The following KIF16B variants were observed in gnomAD, a reference collection of about 807,000 sequenced individuals.
The protein encoded by KIF16B is kinesin family member 16B.
A neutral mutation model predicts 156.3 loss-of-function variants in KIF16B; 98 were observed. The observed-to-expected ratio is 0.63, with a 90% CI of 0.53 to 0.74. The LOEUF is 0.74. Ranked by LOEUF, KIF16B falls within the 30% of genes least tolerant of loss-of-function variation. The pLI, the probability that KIF16B is intolerant of heterozygous loss-of-function variation, is 0.00. For synonymous variants in KIF16B, 564 were observed against 583.7 expected (o/e 0.97, Z 0.49); for missense variants, 1,421 against 1,606.5 (o/e 0.88, Z 1.97).
chr20:16,278,646 C>T (rs941275051), intron 25 of KIF16B, among the ~76,000 whole-genome samples: 11 of 152,136 alleles, frequency 7.2e-5, no homozygotes, highest in African/African-American at 2.7e-4. Context: ...GACCCTGGCA[C>T]ATGATGTTTA....
At chr20:16,477,801 T>C (rs2067861967) in intron 12 of KIF16B, among the ~76,000 whole-genome samples, 1 of 152,142 alleles carries the variant, frequency 6.6e-6, no homozygotes. Context: ...AACTTTGACC[T>C]GGCTGAAGAG....
At chr20:16,531,242 G>A (rs2069735865) in intron 1 of KIF16B, among the ~76,000 whole-genome samples, 3 of 148,916 alleles carry the variant, frequency 2.0e-5, no homozygotes, top group Admixed American at 1.3e-4. Context: ...AAGATCAAAG[G>A]ATCTGTCTCA....
At chr20:16,275,722 G>A (rs147947280) in intron 25 of KIF16B, among the ~76,000 whole-genome samples, 44 of 152,294 alleles carry the variant, frequency 2.9e-4, no homozygotes, top group African/African-American at 1.0e-3. Context: ...AAAATCAACT[G>A]CTGAAAAGTG....
intron 25 of KIF16B, among the ~76,000 whole-genome samples, chr20:16,310,623 A>T (rs1012967145): frequency 2.0e-5 from 3 of 152,232 alleles, no homozygotes; most frequent in African/African-American, 7.2e-5. Context: ...TAGTTAATGA[A>T]GGCAGGGAAG....
chr20:16,526,357 C>T, intron 2 of KIF16B, 152 bp from the exon 3 acceptor site: 1 of 425,050 alleles, frequency 2.4e-6, no homozygotes, highest in Non-Finnish European at 4.1e-6. Flanking sequence ...AAACTAAACT[C>T]CTTGCAGCAA....
rs79019432 is a variant in KIF16B at position 16,347,522 on chromosome 20, G to A, written c.3621+8808C>T. 7.4e-3 allele frequency among the ~76,000 whole-genome samples: 1,133 copies of A among 152,200 alleles called. 14 individuals are homozygous for A. Among genetic ancestry groups the A allele is most frequent in the African/African-American group, 0.026 (1,074 of 41,534 alleles). ...AAGATAAATATGGCTGTCCAAGGAA[G>A]GGCAATATAAAAGATCAGTTGGTTT... is the stretch of plus-strand genomic sequence containing the variant. On this transcript the variant is annotated intron_variant, in intron 23 of 25. Transcript: ENST00000354981.
intron 17 of KIF16B, among the ~76,000 whole-genome samples, chr20:16,389,030 T>C (rs991131141): frequency 3.3e-5 from 5 of 152,066 alleles, no homozygotes; most frequent in Non-Finnish European, 1.5e-5. Flanking sequence ...GGAGACCCCC[T>C]GGCAACAGAG....
intron 1 of KIF16B, among the ~76,000 whole-genome samples, chr20:16,570,619 A>G (rs993249686): frequency 6.6e-6 from 1 of 152,182 alleles, no homozygotes; most frequent in Non-Finnish European, 1.5e-5. Flanking sequence ...CTCACTGCCA[A>G]CTTCTGAATC....
chr20:16,437,410 T>C (rs1437922810), intron 12 of KIF16B, among the ~76,000 whole-genome samples: 2 of 152,162 alleles, frequency 1.3e-5, no homozygotes, highest in Admixed American at 6.5e-5. Flanking sequence ...TGGGAAGGCA[T>C]TGACAATTTT....
Position 16,510,327 on chromosome 20 carries a change from T to G in KIF16B, c.556+1091A>C, listed in dbSNP as rs958015201. 2.0e-5 allele frequency among the ~76,000 whole-genome samples: 3 copies of G among 152,186 alleles called. No homozygotes were observed. The South Asian group carries it at 6.2e-4, about 32-fold the overall frequency. On this transcript the variant is annotated intron_variant, in intron 6 of 25. Transcript: ENST00000354981. ...GGCACACCCTGCTTTGCTTTGGGCA[T>G]ACAAGGCAAAAGCTTAAGTGGAAAT...
intron 12 of KIF16B, among the ~76,000 whole-genome samples, chr20:16,447,969 T>C (rs1002707109): frequency 1.3e-5 from 2 of 152,042 alleles, no homozygotes; most frequent in African/African-American, 4.8e-5. Flanking sequence ...AAACAAAACA[T>C]GGACAGGTGT....
At chr20:16,535,381 A>C (rs2069919578) in intron 1 of KIF16B, among the ~76,000 whole-genome samples, 5 of 152,156 alleles carry the variant, frequency 3.3e-5, no homozygotes, top group Admixed American at 3.3e-4. Context: ...CAGTTCTAAG[A>C]GTTTTTAGGT....
chr20:16,546,599 A>G (rs2070414833), intron 1 of KIF16B, among the ~76,000 whole-genome samples: 1 of 152,178 alleles, frequency 6.6e-6, no homozygotes, highest in Non-Finnish European at 1.5e-5. Context: ...AATGTTGCCA[A>G]GTCTTCTGCC....
intron 2 of KIF16B, among the ~76,000 whole-genome samples, chr20:16,528,035 A>G (rs2069612587): frequency 6.6e-6 from 1 of 152,160 alleles, no homozygotes; most frequent in Non-Finnish European, 1.5e-5. Context: ...AAGCTTATTT[A>G]ATGTTCACAG....
In KIF16B at chr20:16,296,233, G is replaced by A. The variant is rs150648410; in HGVS notation, c.3795+16102C>T. On this transcript the variant is annotated intron_variant, in intron 25 of 25. Transcript: ENST00000354981. ...GCCACCTTCAGGTACAGGCAACAGA[G>A]GAGTGAGTTTATGCAGGATGCTCCT... is the stretch of plus-strand genomic sequence containing the variant. Among the ~76,000 whole-genome samples, 12 of 152,344 alleles carry A rather than the reference G, an allele frequency of 7.9e-5. No individual in the cohort carries two copies. In the East Asian group the frequency reaches 9.6e-4, roughly 12 times the overall value.
intron 22 of KIF16B, chr20:16,368,822 A>T: frequency 1.0e-6 from 1 of 985,752 alleles, no homozygotes; most frequent in Non-Finnish European, 1.2e-6. Flanking sequence ...CTATTTATAG[A>T]CACTTCTTGG....
intron 12 of KIF16B, among the ~76,000 whole-genome samples, chr20:16,476,132 C>T (rs1042351611): frequency 6.6e-6 from 1 of 152,126 alleles, no homozygotes; most frequent in Non-Finnish European, 1.5e-5. Flanking sequence ...ACAGGCAGAG[C>T]GTGTTTTCCT....
intron 11 of KIF16B, among the ~76,000 whole-genome samples, chr20:16,495,245 C>T (rs1568603135): frequency 6.6e-6 from 1 of 152,170 alleles, no homozygotes; most frequent in South Asian, 2.1e-4. Flanking sequence ...AGCAGACACC[C>T]TCCCATTAAA....
At position 16,337,674 on chromosome 20, in the gene KIF16B, C is replaced by T. The variant is rs994182485; in HGVS notation, c.3622-1659G>A. ...CTGCTCCTGGCTGTGAGCTGGTTGG[C>T]CTTCCTCTCTGGCTTGCTCCTCCTC... On this transcript the variant is annotated intron_variant, in intron 23 of 25. Transcript: ENST00000354981. 2.0e-5 allele frequency among the ~76,000 whole-genome samples: 3 copies of T among 152,194 alleles called. No individual in the cohort carries two copies. In the East Asian group the frequency reaches 5.8e-4, roughly 29 times the overall value.
Sources: allele counts gnomAD v4.1 joint callset (sites outside exome capture counted in the v4.1 genomes callset), GRCh38; gene constraint gnomAD v4.1.1; transcripts MANE v1.5; gene names NCBI Gene and HGNC (gene_info 2026-07-23, HGNC 2026-07-21).